TRAK1: variants seen among roughly 807,000 people sequenced by gnomAD.
The protein encoded by TRAK1 is trafficking kinesin protein 1.
TRAK1 carries 33 observed loss-of-function variants against 92.1 expected under a neutral mutation model. The ratio of observed to expected loss-of-function variants is 0.36; its 90% CI spans 0.27 to 0.48. TRAK1 has a LOEUF of 0.48. Ranked by LOEUF, TRAK1 falls within the 20% of genes least tolerant of loss-of-function variation. The pLI, the probability that TRAK1 is intolerant of heterozygous loss-of-function variation, is 0.99. For missense variants in TRAK1, 1,123 were observed against 1,257.9 expected (o/e 0.89, Z 1.62); for synonymous variants, 521 against 517.3 (o/e 1.01, Z -0.10).
intron 3 of TRAK1, among the ~76,000 whole-genome samples, chr3:42,183,553 T>TAAAAAAAAAAAAAAAAAAAAAAAA (rs11293523): frequency 1.4e-4 from 16 of 117,320 alleles, no homozygotes; most frequent in African/African-American, 5.1e-4. Context: ...AGACTCTGTC[T>TAAAAAAAAAAAAAAAAAAAAAAAA]AAAAAAAAAA....
At chr3:42,205,570 A>G (rs1376514701) in intron 13 of TRAK1, among the ~76,000 whole-genome samples, 1 of 152,256 alleles carries the variant, frequency 6.6e-6, no homozygotes, top group Non-Finnish European at 1.5e-5. Context: ...TCTGTGTTAA[A>G]AAGACCAAGG....
In TRAK1 at chr3:42,193,090, A is replaced by T. The variant is rs1369234653; in HGVS notation, c.785A>T (p.Gln262Leu). 1 of 1,614,110 alleles carries T rather than the reference A, an allele frequency of 6.2e-7. No individual in the cohort carries two copies. Among genetic ancestry groups the T allele is most frequent in the Non-Finnish European group, 8.5e-7 (1 of 1,179,968 alleles). Reference sequence around the variant, plus strand: ...TTTGTCAAAGGGGATGCCAATGTCCAGATTGCTAGTATCTCAGAGGAACTG... The same window carrying T: ...TTTGTCAAAGGGGATGCCAATGTCCTGATTGCTAGTATCTCAGAGGAACTG... Reference protein sequence around the residue: ...CVKELRDANVQIASISEELAK... With the variant: ...CVKELRDANVLIASISEELAK... Residue 262 changes from glutamine to leucine, a missense_variant, in exon 8 of 16, where the codon CAG (glutamine) becomes CTG (leucine). Physicochemically the swap from Gln to Leu is moderately radical, Grantham distance 113. Coordinates refer to ENST00000327628, the MANE Select transcript of TRAK1 (RefSeq NM_001042646.3).
At chr3:42,071,856 TCAAAG>T (rs1703946741) in intron 1 of TRAK1, among the ~76,000 whole-genome samples, 1 of 152,264 alleles carries the variant, frequency 6.6e-6, no homozygotes, top group South Asian at 2.1e-4. Flanking sequence ...GTTTTCCTCT[TCAAAG>T]CAATAGCTTT....
chr3:42,128,101 C>T (rs1311932594), intron 2 of TRAK1, among the ~76,000 whole-genome samples: 1 of 152,156 alleles, frequency 6.6e-6, no homozygotes, highest in African/African-American at 2.4e-5. Context: ...ATCACTTGAA[C>T]CTGGGAGGCG....
chr3:42,074,876 G>A (rs1028105691), intron 1 of TRAK1, among the ~76,000 whole-genome samples: 2 of 152,062 alleles, frequency 1.3e-5, no homozygotes, highest in Admixed American at 6.6e-5. Context: ...AGGCCCCATC[G>A]TCTGGTGTCT....
At chr3:42,063,537 C>T (rs1703540060) in intron 1 of TRAK1, among the ~76,000 whole-genome samples, 2 of 151,992 alleles carry the variant, frequency 1.3e-5, no homozygotes, top group Non-Finnish European at 2.9e-5. Flanking sequence ...ATTACAAAAA[C>T]TAGCCAGGCC....
intron 1 of TRAK1, among the ~76,000 whole-genome samples, chr3:42,106,225 A>T (rs929145078): frequency 2.0e-5 from 3 of 152,248 alleles, no homozygotes; most frequent in Non-Finnish European, 4.4e-5. Context: ...ACAGACTGGC[A>T]AATTGGATAA....
At chr3:42,073,603 G>A (rs533411006) in intron 1 of TRAK1, among the ~76,000 whole-genome samples, 2 of 152,324 alleles carry the variant, frequency 1.3e-5, no homozygotes, top group African/African-American at 4.8e-5. Context: ...ATTGTGAGGT[G>A]TATAGCATGA....
intron 4 of TRAK1, 92 bp downstream of exon 4, chr3:42,184,893 A>G: frequency 1.6e-6 from 2 of 1,254,782 alleles, no homozygotes; most frequent in Non-Finnish European, 1.1e-6. Flanking sequence ...ATGGAGTCCT[A>G]GTTGGAAGGA....
chr3:42,143,727 T>A (rs1254467828), intron 2 of TRAK1, among the ~76,000 whole-genome samples: 2 of 152,094 alleles, frequency 1.3e-5, no homozygotes, highest in African/African-American at 4.8e-5. Flanking sequence ...GGGAGGAGGC[T>A]GCTTTTTCGG....
At chr3:42,058,103 A>G (rs935206215) in intron 1 of TRAK1, among the ~76,000 whole-genome samples, 2 of 152,150 alleles carry the variant, frequency 1.3e-5, no homozygotes, top group African/African-American at 2.4e-5. Context: ...CTGCTCTGCC[A>G]CAGTGGGCAT....
At chr3:42,043,721 T>G (rs1702645921) in intron 1 of TRAK1, among the ~76,000 whole-genome samples, 1 of 151,992 alleles carries the variant, frequency 6.6e-6, no homozygotes, top group South Asian at 2.1e-4. Flanking sequence ...CTTTGTTTCT[T>G]GGTATTTCCG....
intron 3 of TRAK1, among the ~76,000 whole-genome samples, chr3:42,182,744 C>T (rs1044682265): frequency 6.6e-6 from 1 of 152,224 alleles, no homozygotes; most frequent in Non-Finnish European, 1.5e-5. Context: ...TACTTGACCT[C>T]AAGTGCTGCG....
At chr3:42,204,933 A>G (rs1003560959) in intron 13 of TRAK1, among the ~76,000 whole-genome samples, 26 of 151,962 alleles carry the variant, frequency 1.7e-4, no homozygotes, top group African/African-American at 6.3e-4. Context: ...TCCCCTCCAC[A>G]GTTATTTTTT....
At chr3:42,217,868 C>T (rs917018162) in intron 14 of TRAK1, 2 of 985,116 alleles carry the variant, frequency 2.0e-6, no homozygotes, top group African/African-American at 3.5e-5. Flanking sequence ...TTTTGTTTTG[C>T]TTGTGGCAGT....
At chr3:42,184,014 T>C (rs892569240) in intron 3 of TRAK1, among the ~76,000 whole-genome samples, 5 of 152,254 alleles carry the variant, frequency 3.3e-5, no homozygotes, top group African/African-American at 2.4e-5. Context: ...TTTTTGTCTC[T>C]GAAGGATGGC....
At chr3:42,026,777 G>A (rs907825356) in intron 1 of TRAK1, among the ~76,000 whole-genome samples, 1 of 151,936 alleles carries the variant, frequency 6.6e-6, no homozygotes, top group Non-Finnish European at 1.5e-5. Flanking sequence ...TGCCTGCCTC[G>A]GCCTCCCAAA....
intron 14 of TRAK1, chr3:42,217,259 G>A: frequency 1.0e-6 from 1 of 985,380 alleles, no homozygotes; most frequent in Non-Finnish European, 1.2e-6. Context: ...AGGTGCAGCA[G>A]CATCCTGGCA....
chr3:42,121,899 C>T (rs1709933167), intron 1 of TRAK1, among the ~76,000 whole-genome samples: 1 of 151,676 alleles, frequency 6.6e-6, no homozygotes, highest in Non-Finnish European at 1.5e-5. Context: ...CTTACTGTAA[C>T]TTCTGCCTCC....
Sources: allele counts gnomAD v4.1 joint callset (sites outside exome capture counted in the v4.1 genomes callset), GRCh38; gene constraint gnomAD v4.1.1; transcripts MANE v1.5; gene names NCBI Gene and HGNC (gene_info 2026-07-23, HGNC 2026-07-21).